The following TMPRSS9 variants were observed in gnomAD, a reference collection of about 807,000 sequenced individuals.
TMPRSS9 encodes transmembrane protease serine 9.
A neutral mutation model predicts 111.4 loss-of-function variants in TMPRSS9; 113 were observed. That is an observed-to-expected ratio of 1.01 (90% CI 0.87 to 1.19). The LOEUF is 1.19. Among genes scored for constraint, TMPRSS9 ranks in the 50% most tolerant of loss-of-function variants. The pLI is 0.00. For synonymous variants in TMPRSS9, 805 were observed against 659.1 expected, an observed-to-expected ratio of 1.22 and a Z score of -3.39; for missense variants, 1,803 against 1,513.1, an observed-to-expected ratio of 1.19 and a Z score of -3.18.
intron 1 of TMPRSS9, among the ~76,000 whole-genome samples, chr19:2,373,122 T>C (rs1229161414): frequency 1.3e-5 from 2 of 149,410 alleles, no homozygotes; most frequent in Non-Finnish European, 3.0e-5. Flanking sequence ...CATGAGCCAC[T>C]GCGCCCAGCC....
At chr19:2,422,974 T>C (rs57807914) in intron 14 of TMPRSS9, among the ~76,000 whole-genome samples, 8,820 of 151,882 alleles carry the variant, frequency 0.058, 894 homozygotes, top group African/African-American at 0.2. Context: ...GGAGAATCAT[T>C]TGAGCTCAGG....
intron 1 of TMPRSS9, among the ~76,000 whole-genome samples, chr19:2,374,410 T>TA (rs1239049634): frequency 6.6e-6 from 1 of 151,110 alleles, no homozygotes; most frequent in Non-Finnish European, 1.5e-5. Context: ...CCGTCTCTAC[T>TA]AAAAAATACA....
rs1464411594 is a variant in TMPRSS9, at chr19:2,425,348, C to A, written c.2984-9C>A. 1 of 1,478,602 alleles carries A rather than the reference C, an allele frequency of 6.8e-7. No individual in the cohort carries two copies. The highest frequency in any genetic ancestry group is 8.9e-7 in the Non-Finnish European group (1 of 1,119,972). 91.6% of individuals were successfully genotyped at this position (1,478,602 alleles called of 1,614,324 possible). A position where few individuals can be genotyped will look rare whatever the true frequency, so the allele number is the denominator to read the frequency against. ...CCCCACCCGCCCCGTCTCGCTCGCC[C>A]GCCCGCAGGCTCCATGGCGCGGCAG... is the stretch of plus-strand genomic sequence containing the variant. On this transcript the variant is annotated splice_polypyrimidine_tract_variant and intron_variant, in intron 16 of 17. Coordinates refer to ENST00000648592, the Ensembl canonical transcript of TMPRSS9.
At chr19:2,403,059 A>G in intron 5 of TMPRSS9, 23 bp from the exon 7 acceptor site, 2 of 1,582,940 alleles carry the variant, frequency 1.3e-6, no homozygotes, top group Non-Finnish European at 1.7e-6. Flanking sequence ...GAGGTCAGAA[A>G]GTCGGTTCTT....
intron 1 of TMPRSS9, among the ~76,000 whole-genome samples, chr19:2,384,400 G>A (rs186448896): frequency 6.6e-6 from 1 of 152,340 alleles, no homozygotes; most frequent in African/African-American, 2.4e-5. Context: ...AGAGAACCAG[G>A]TGTGGTGGCT....
chr19:2,403,680 G>C (rs1252974984), intron 6 of TMPRSS9, among the ~76,000 whole-genome samples: 1 of 149,888 alleles, frequency 6.7e-6, no homozygotes, highest in East Asian at 2.0e-4. Flanking sequence ...AATATAGTGA[G>C]ACCCCATCTC....
chr19:2,415,556 GGATT>G lies in TMPRSS9; in HGVS notation c.1574-112_1574-109del, dbSNP rs564647245. On this transcript the variant is annotated intron_variant, in intron 10 of 17. Transcript: ENST00000648592. ...CACGGCTTCTTGTGTGGAACGGGAG[GGATT>G]GCGGCATCTTCAGGGCCTGGCTGCA... is the stretch of plus-strand genomic sequence containing the variant. 314 of 1,003,294 alleles carry G rather than the reference GGATT, an allele frequency of 3.1e-4. 1 individual carries two copies. The African/African-American group carries it at 4.9e-3, about 16-fold the overall frequency. 62.1% of individuals were successfully genotyped at this position (1,003,294 alleles called of 1,614,324 possible). A position where few individuals can be genotyped will look rare whatever the true frequency, so the allele number is the denominator to read the frequency against.
chr19:2,416,182 T>C, intron 11 of TMPRSS9: 1 of 415,050 alleles, frequency 2.4e-6, no homozygotes, highest in East Asian at 4.0e-5. Context: ...GAGGCTGCAG[T>C]GAGCCTGATG....
chr19:2,410,272 G>A (rs753187734), exon 9 of TMPRSS9: 2 of 1,613,946 alleles, frequency 1.2e-6, no homozygotes, highest in Admixed American at 1.7e-5. Flanking sequence ...CAAGCCAGAG[G>A]TGCTGCAGAA....
At chr19:2,398,973 GGCGGAGCCCCTCCCTCTCC>G (rs762295787) in intron 3 of TMPRSS9, 26 bp from the exon 5 acceptor site, 1 of 1,586,274 alleles carries the variant, frequency 6.3e-7, no homozygotes, top group Non-Finnish European at 8.5e-7. Context: ...ATTCCAGCAG[GGCGGAGCCCCTCCCTCTCC>G]AAGGGCCTCT....
At chr19:2,409,024 AATAATAATG>A (rs1291809091) in intron 8 of TMPRSS9, among the ~76,000 whole-genome samples, 2,873 of 144,194 alleles carry the variant, frequency 0.02, 65 homozygotes, top group East Asian at 0.076. Flanking sequence ...TAATAATAAT[AATAATAATG>A]ATGATGCAGA....
At chr19:2,379,511 A>G (rs1365078561) in intron 1 of TMPRSS9, among the ~76,000 whole-genome samples, 1 of 151,830 alleles carries the variant, frequency 6.6e-6, no homozygotes, top group Non-Finnish European at 1.5e-5. Flanking sequence ...TGTGGTGCAC[A>G]GCAGCCTTCC....
chr19:2,414,932 T>C (rs918019743), intron 10 of TMPRSS9, among the ~76,000 whole-genome samples: 2 of 148,850 alleles, frequency 1.3e-5, no homozygotes, highest in Admixed American at 6.7e-5. Context: ...AACTGTTAGT[T>C]GCATTCCTAT....
intron 1 of TMPRSS9, among the ~76,000 whole-genome samples, chr19:2,381,308 C>T (rs1970382910): frequency 1.3e-5 from 2 of 151,758 alleles, no homozygotes; most frequent in Admixed American, 6.6e-5. Context: ...AGAAAACCCG[C>T]GGGGCAGGGT....
At chr19:2,412,620 CTT>C (rs1971120775) in intron 9 of TMPRSS9, among the ~76,000 whole-genome samples, 8 of 152,024 alleles carry the variant, frequency 5.3e-5, no homozygotes, top group South Asian at 4.1e-4. Flanking sequence ...AAAGCTTTCT[CTT>C]GTGTCTTGAG....
At chr19:2,424,342 CCCT>C in intron 15 of TMPRSS9, 85 bp downstream of exon 16, 2 of 1,250,296 alleles carry the variant, frequency 1.6e-6, no homozygotes, top group Middle Eastern at 2.1e-4. Context: ...CACCCTGACC[CCCT>C]CCTTTGCCGG....
At chr19:2,377,969 C>T (rs113104795) in intron 1 of TMPRSS9, among the ~76,000 whole-genome samples, 15,552 of 151,232 alleles carry the variant, frequency 0.1, 1,525 homozygotes, top group African/African-American at 0.26. Flanking sequence ...CTCCTGGGCT[C>T]GAGTGATGAA....
chr19:2,369,515 C>G (rs957287911), intron 1 of TMPRSS9, among the ~76,000 whole-genome samples: 1 of 152,098 alleles, frequency 6.6e-6, no homozygotes, highest in Non-Finnish European at 1.5e-5. Context: ...GCCTCAACCT[C>G]CTGGGCTCAA....
intron 1 of TMPRSS9, among the ~76,000 whole-genome samples, chr19:2,360,602 G>C (rs1356218606): frequency 3.9e-5 from 6 of 152,024 alleles, no homozygotes; most frequent in African/African-American, 1.4e-4. Flanking sequence ...TGCGGCCAGG[G>C]TTGTGTGGAC....
Sources: allele counts gnomAD v4.1 joint callset (sites outside exome capture counted in the v4.1 genomes callset), GRCh38; gene constraint gnomAD v4.1.1; transcripts MANE v1.5; gene names NCBI Gene and HGNC (gene_info 2026-07-23, HGNC 2026-07-21).